HTR1F: variants seen among roughly 807,000 people sequenced by gnomAD.
The protein encoded by HTR1F is 5-hydroxytryptamine (serotonin) receptor 1F, G protein-coupled.
A neutral mutation model predicts 24.0 loss-of-function variants in HTR1F; 17 were observed. The observed-to-expected ratio is 0.71, with a 90% CI of 0.48 to 1.06. The LOEUF (loss-of-function observed/expected upper bound fraction) is 1.06. Among genes scored for constraint, HTR1F ranks in the 50% least tolerant of loss-of-function variants. HTR1F has a pLI of 0.00. For missense variants in HTR1F, 391 were observed against 427.8 expected (o/e 0.91, Z 0.76); for synonymous variants, 186 against 156.8 (o/e 1.19, Z -1.39).
chr3:87,938,638 A>G (rs993977627), intron 2 of HTR1F, among the ~76,000 whole-genome samples: 4 of 152,146 alleles, frequency 2.6e-5, no homozygotes, highest in Non-Finnish European at 5.9e-5. Flanking sequence ...AAGGCTGCAC[A>G]CCTAAGACCA....
chr3:87,912,593 TAA>T (rs33961897), intron 2 of HTR1F, among the ~76,000 whole-genome samples: 1 of 91,636 alleles, frequency 1.1e-5, no homozygotes. Context: ...GTATAAAGTT[TAA>T]AAAAAAAAAA....
At chr3:87,840,967 G>A (rs1051430941) in intron 2 of HTR1F, among the ~76,000 whole-genome samples, 1 of 151,792 alleles carries the variant, frequency 6.6e-6, no homozygotes, top group Non-Finnish European at 1.5e-5. Context: ...GTTGGTCAGT[G>A]GGTACAAAGC....
At chr3:87,986,996 C>A (rs1705675986) in intron 2 of HTR1F, among the ~76,000 whole-genome samples, 1 of 151,924 alleles carries the variant, frequency 6.6e-6, no homozygotes, top group Non-Finnish European at 1.5e-5. Flanking sequence ...ATTCCAGCTA[C>A]TTGGGAGGCT....
chr3:87,793,493 G>T (rs1025967200), intron 1 of HTR1F: 4 of 152,214 alleles, frequency 2.6e-5, no homozygotes, highest in Admixed American at 1.3e-4. Context: ...CTGACTCAAG[G>T]TAGGGTTGTT....
chr3:87,972,153 C>G (rs1705298931), intron 2 of HTR1F, among the ~76,000 whole-genome samples: 1 of 152,152 alleles, frequency 6.6e-6, no homozygotes, highest in Non-Finnish European at 1.5e-5. Context: ...CTGTGCCCTT[C>G]TAGATCTTAC....
rs1703836251 is a variant in HTR1F at position 87,913,993 on chromosome 3, C to T, written c.-42-76715C>T. 5.3e-5 allele frequency among the ~76,000 whole-genome samples: 8 copies of T among 152,146 alleles called. No individual in the cohort carries two copies. In the South Asian group the frequency reaches 1.7e-3, roughly 31 times the overall value. On this transcript the variant is annotated intron_variant, in intron 2 of 2. Transcript: ENST00000319595. The stretch of plus-strand genomic sequence containing the variant: ...GGAAACCTGAGAGGATCCACAGACC[C>T]CCTGAAGGAAGCGGATTGCTCCTGC...
chr3:87,847,104 A>T (rs1017742051), intron 2 of HTR1F, among the ~76,000 whole-genome samples: 4 of 151,872 alleles, frequency 2.6e-5, no homozygotes, highest in East Asian at 1.9e-4. Context: ...ATAAATGATC[A>T]TTCAACATAT....
intron 2 of HTR1F, among the ~76,000 whole-genome samples, chr3:87,900,358 C>T (rs187898827): frequency 8.1e-4 from 123 of 152,232 alleles, no homozygotes; most frequent in African/African-American, 2.8e-3. Flanking sequence ...CAAGGAGGCC[C>T]ATGTAGCTGG....
At chr3:87,821,642 T>A (rs1444216377) in intron 1 of HTR1F, among the ~76,000 whole-genome samples, 1 of 152,182 alleles carries the variant, frequency 6.6e-6, no homozygotes, top group African/African-American at 2.4e-5. Context: ...ATAAGGAGCT[T>A]GTCAGCGAAA....
At chr3:87,967,770 A>C (rs530097878) in intron 2 of HTR1F, among the ~76,000 whole-genome samples, 1 of 152,332 alleles carries the variant, frequency 6.6e-6, no homozygotes, top group East Asian at 1.9e-4. Flanking sequence ...TGGAACTGTA[A>C]GTCTATTAAA....
At chr3:87,907,100 A>G (rs1703683170) in intron 2 of HTR1F, among the ~76,000 whole-genome samples, 1 of 152,038 alleles carries the variant, frequency 6.6e-6, no homozygotes, top group South Asian at 2.1e-4. Flanking sequence ...TGGCTCTTTA[A>G]GGAATCTCCA....
At position 87,924,564 on chromosome 3, in the gene HTR1F, T is replaced by A. The variant is rs528669642; in HGVS notation, c.-42-66144T>A. 4.6e-5 allele frequency among the ~76,000 whole-genome samples: 7 copies of A among 152,296 alleles called. No homozygotes were observed. The South Asian group carries it at 1.4e-3, about 32-fold the overall frequency. On this transcript the variant is annotated intron_variant, in intron 2 of 2. Coordinates refer to ENST00000319595, the MANE Select transcript of HTR1F (RefSeq NM_001322209.2). ...AGTATTTCTTGTAAGGCTGGCCTAG[T>A]GGTGACAAATTCCCTGTTTTTTCTT... is the stretch of plus-strand genomic sequence containing the variant.
chr3:87,793,969 C>CAAA lies in HTR1F; in HGVS notation c.-160+1139_-160+1141dup, dbSNP rs78156685. 6.6e-3 allele frequency among the ~76,000 whole-genome samples: 617 copies of CAAA among 93,788 alleles called. 6 individuals carry two copies. Among genetic ancestry groups the CAAA allele is most frequent in the Admixed American group, 0.014 (115 of 8,222 alleles). The allele number at this position is 93,788 out of a possible 152,430, so 61.5% of individuals were successfully genotyped here. A position where few individuals can be genotyped will look rare whatever the true frequency, so the allele number is the denominator to read the frequency against. ...TTAAATTTTAGTGGATATGCTATGCCAAAAAAAAAAAAAAGAGAGAGAGAA... is the reference window on the plus strand; with the variant it reads ...TTAAATTTTAGTGGATATGCTATGCCAAAAAAAAAAAAAAAAAGAGAGAGAGAA... On this transcript the variant is annotated intron_variant, in intron 1 of 2. Coordinates refer to ENST00000319595, the MANE Select transcript of HTR1F (RefSeq NM_001322209.2).
At chr3:87,969,690 G>A (rs1217273634) in intron 2 of HTR1F, among the ~76,000 whole-genome samples, 1 of 152,190 alleles carries the variant, frequency 6.6e-6, no homozygotes, top group Non-Finnish European at 1.5e-5. Flanking sequence ...GCTGAAATGA[G>A]TTAAGATTCA....
intron 2 of HTR1F, among the ~76,000 whole-genome samples, chr3:87,938,362 C>T (rs561773997): frequency 2.6e-5 from 4 of 152,150 alleles, no homozygotes; most frequent in Non-Finnish European, 4.4e-5. Context: ...GGCCATACTG[C>T]TCAAAGCAAT....
intron 2 of HTR1F, among the ~76,000 whole-genome samples, chr3:87,927,503 A>G (rs1704155280): frequency 6.6e-6 from 1 of 152,162 alleles, no homozygotes; most frequent in Non-Finnish European, 1.5e-5. Context: ...CTACAGTCAC[A>G]CCAAAAAAAT....
chr3:87,850,852 A>T (rs986715652), intron 2 of HTR1F, among the ~76,000 whole-genome samples: 22 of 151,236 alleles, frequency 1.5e-4, no homozygotes, highest in African/African-American at 5.1e-4. Flanking sequence ...ACCAAAACTA[A>T]TGCTAGCAAC....
chr3:87,875,416 C>G (rs892434208), intron 2 of HTR1F, among the ~76,000 whole-genome samples: 3 of 151,822 alleles, frequency 2.0e-5, no homozygotes, highest in African/African-American at 7.3e-5. Flanking sequence ...TACCACTGCA[C>G]TCCAGCCTGA....
At chr3:87,796,451 T>C (rs1305400022) in intron 1 of HTR1F, among the ~76,000 whole-genome samples, 3 of 152,136 alleles carry the variant, frequency 2.0e-5, no homozygotes, top group Non-Finnish European at 4.4e-5. Flanking sequence ...TGAGTCATCA[T>C]TATATAAATG....
Sources: allele counts gnomAD v4.1 joint callset (sites outside exome capture counted in the v4.1 genomes callset), GRCh38; gene constraint gnomAD v4.1.1; transcripts MANE v1.5; gene names NCBI Gene and HGNC (gene_info 2026-07-23, HGNC 2026-07-21).